Variants in EXD3 observed in about 807,000 individuals in gnomAD.
EXD3 encodes the protein exonuclease 3'-5' domain containing 3, also known as exonuclease mut-7 homolog.
In EXD3, 92 loss-of-function variants were observed where a neutral mutation model predicts 98.0. That is an observed-to-expected ratio of 0.94 (90% CI 0.79 to 1.12). The LOEUF is 1.12. EXD3 is among the 50% of genes most tolerant of loss of function. The probability of loss-of-function intolerance (pLI) is 0.00; values close to 1 mark genes in which losing one functional copy is unlikely to be tolerated. For synonymous variants in EXD3, 569 were observed against 526.0 expected (o/e 1.08, Z -1.12); for missense variants, 1,222 against 1,191.6 (o/e 1.03, Z -0.38).
intron 20 of EXD3, 132 bp downstream of exon 20, chr9:137,309,475 G>T: frequency 1.4e-6 from 1 of 719,608 alleles, no homozygotes; most frequent in Non-Finnish European, 2.3e-6. Flanking sequence ...TTTTCCACCT[G>T]TCGTCACCTG....
At chr9:137,367,813 C>T (rs975029832) in intron 6 of EXD3, 123 bp downstream of exon 6, 4 of 953,768 alleles carry the variant, frequency 4.2e-6, no homozygotes, top group East Asian at 2.7e-5. Flanking sequence ...CGCCGGCCCC[C>T]GATGGCCCTG....
chr9:137,349,230 G>C lies in EXD3; in HGVS notation c.1710C>G (p.Pro570=). 6.3e-7 allele frequency: 1 copy of C among 1,576,196 alleles called. No individual in the cohort carries two copies. Among genetic ancestry groups the C allele is most frequent in the Non-Finnish European group, 8.6e-7 (1 of 1,167,488 alleles). ...LEVHQALCRE[P]ARFHLSEDLA... Reference sequence around the variant, plus strand: ...GGTCCTCCGACAGGTGGAAGCGGGCGGGCTCTCTGCACAGGGCTTGGTGCA... The same window carrying C: ...GGTCCTCCGACAGGTGGAAGCGGGCCGGCTCTCTGCACAGGGCTTGGTGCA... Residue 570 remains proline (P), a synonymous_variant, in exon 16 of 22, where the codon CCC becomes CCG. Transcript: ENST00000340951. This position sits in a 1 kb window ranked among gnomAD's most constrained non-coding sequence, Gnocchi z 7.4.
intron 17 of EXD3, among the ~76,000 whole-genome samples, chr9:137,328,485 A>ACTAATATACACTCAT (rs1336695260): frequency 2.6e-5 from 4 of 151,860 alleles, no homozygotes; most frequent in East Asian, 2.0e-4. Context: ...AGTAAAAACA[A>ACTAATATACACTCAT]AAGTAAAAAC....
chr9:137,350,838 C>T (rs1001006971), intron 14 of EXD3, among the ~76,000 whole-genome samples, 200 bp downstream of exon 14: 1 of 152,088 alleles, frequency 6.6e-6, no homozygotes, highest in African/African-American at 2.4e-5. Context: ...GATGCCTGCA[C>T]CAGGAGGCCC....
chr9:137,330,099 CCACAGGAGCTA>C (rs760575220), intron 17 of EXD3, among the ~76,000 whole-genome samples: 22,244 of 91,682 alleles, frequency 0.24, 4,055 homozygotes, highest in East Asian at 0.38. Flanking sequence ...ACACAGGGCT[CCACAGGAGCTA>C]CACAGGAGCT....
chr9:137,383,670 T>C (rs1046774042), intron 2 of EXD3, among the ~76,000 whole-genome samples: 2 of 152,224 alleles, frequency 1.3e-5, no homozygotes, highest in South Asian at 2.1e-4. Context: ...CAGCTGCAGG[T>C]GCAGAGCAGC....
intron 17 of EXD3, among the ~76,000 whole-genome samples, chr9:137,332,311 C>T (rs539908653): frequency 6.6e-5 from 10 of 152,298 alleles, no homozygotes; most frequent in South Asian, 2.1e-4. Context: ...GAATCTAGGC[C>T]GGGCGCAGTG....
chr9:137,363,617 G>A (rs987640006), intron 7 of EXD3, among the ~76,000 whole-genome samples: 1 of 152,068 alleles, frequency 6.6e-6, no homozygotes, highest in African/African-American at 2.4e-5. Flanking sequence ...GGGATTACAG[G>A]TGTGAGCCAC....
At chr9:137,374,063 G>A (rs1249643587) in intron 3 of EXD3, among the ~76,000 whole-genome samples, 1 of 152,280 alleles carries the variant, frequency 6.6e-6, no homozygotes, top group African/African-American at 2.4e-5. Context: ...AGAGGTGGAC[G>A]AAGAGAAGCA....
At chr9:137,412,542 G>A (rs1838049363) in intron 1 of EXD3, among the ~76,000 whole-genome samples, 3 of 152,144 alleles carry the variant, frequency 2.0e-5, no homozygotes, top group Admixed American at 2.0e-4. Flanking sequence ...CCCAAACAGT[G>A]TCAGTGGGAA....
chr9:137,376,171 C>A (rs1299546629), intron 3 of EXD3, among the ~76,000 whole-genome samples: 1 of 151,662 alleles, frequency 6.6e-6, no homozygotes, highest in South Asian at 2.1e-4. Context: ...AGTGAAACCT[C>A]GTCTCTACTA....
rs1371324748 is a variant in EXD3 at position 137,360,324 on chromosome 9, G to A, written c.657-3956C>T. On this transcript the variant is annotated intron_variant, in intron 7 of 21. Coordinates refer to ENST00000340951, the MANE Select transcript of EXD3 (RefSeq NM_017820.5). Reference sequence around the variant, plus strand: ...TACAGTCTTTTGTAAAATATGTACTGTAAATAATCTTCTCTTGGTCTGGAA... The same window carrying A: ...TACAGTCTTTTGTAAAATATGTACTATAAATAATCTTCTCTTGGTCTGGAA... Among the ~76,000 whole-genome samples, 2 of 85,872 alleles carry A rather than the reference G, an allele frequency of 2.3e-5. 1 individual carries two copies. Among genetic ancestry groups the A allele is most frequent in the Non-Finnish European group, 5.7e-5 (2 of 35,046 alleles). The allele number at this position is 85,872 out of a possible 152,430, so 56.3% of individuals were successfully genotyped here.
chr9:137,410,103 G>A (rs983091010), intron 1 of EXD3, among the ~76,000 whole-genome samples: 1 of 152,118 alleles, frequency 6.6e-6, no homozygotes, highest in Non-Finnish European at 1.5e-5. Context: ...GTGAACCTGG[G>A]AGATGAAGGT....
intron 19 of EXD3, among the ~76,000 whole-genome samples, chr9:137,311,574 G>A (rs1025771639): frequency 1.3e-5 from 2 of 152,234 alleles, no homozygotes; most frequent in Non-Finnish European, 2.9e-5. Flanking sequence ...CTGAGTCACC[G>A]GGTGCCGTCA....
chr9:137,386,663 C>T (rs1836605876), intron 2 of EXD3, among the ~76,000 whole-genome samples: 1 of 152,150 alleles, frequency 6.6e-6, no homozygotes, highest in South Asian at 2.1e-4. Context: ...GGGCCCACCA[C>T]ATCCTCCCAG....
At chr9:137,345,064 A>T (rs1236136678) in intron 17 of EXD3, among the ~76,000 whole-genome samples, 2 of 152,036 alleles carry the variant, frequency 1.3e-5, no homozygotes, top group Non-Finnish European at 2.9e-5. Flanking sequence ...TCCCCTCAGC[A>T]GAACACCCAG....
In EXD3 at chr9:137,349,489, T is replaced by C; in HGVS notation, c.1537A>G (p.Arg513Gly). Residue 513 changes from arginine (R) to glycine (G), a missense_variant, in exon 15 of 22, where the codon AGG (arginine) becomes GGG (glycine). Transcript: ENST00000340951. This position sits in a 1 kb window ranked among gnomAD's most constrained non-coding sequence, Gnocchi z 7.4. ...AGGAGGCTCAGGCCCCTCAGCTCCC[T>C]GGCCCTGTCCACGGCTGGGGCTGGC... ...SVPAPAVDRA[R>G]ELRGLSLLVQ... is the part of the protein sequence containing the mutation. 1 of 1,603,510 alleles carries C rather than the reference T, an allele frequency of 6.2e-7. No individual in the cohort carries two copies. Among genetic ancestry groups the C allele is most frequent in the Non-Finnish European group, 8.5e-7 (1 of 1,177,568 alleles).
At chr9:137,330,341 A>AG (rs1389017376) in intron 17 of EXD3, among the ~76,000 whole-genome samples, 2 of 119,042 alleles carry the variant, frequency 1.7e-5, no homozygotes, top group Non-Finnish European at 1.8e-5. Context: ...ACTACACAGG[A>AG]CTACACAGGA....
chr9:137,320,209 C>T (rs541372464), intron 19 of EXD3, among the ~76,000 whole-genome samples: 2 of 152,354 alleles, frequency 1.3e-5, no homozygotes, highest in South Asian at 4.1e-4. Context: ...CAAGGCAGCC[C>T]CCCCGCCCCT....
Sources: allele counts gnomAD v4.1 joint callset (sites outside exome capture counted in the v4.1 genomes callset), GRCh38; gene constraint gnomAD v4.1.1; non-coding constraint Gnocchi (gnomAD v3.1); transcripts MANE v1.5; gene names NCBI Gene and HGNC (gene_info 2026-07-23, HGNC 2026-07-21).